CSMD1: variants seen among roughly 807,000 people sequenced by gnomAD.
CSMD1 encodes CUB and Sushi multiple domains 1.
Under a neutral mutation model 417.5 loss-of-function variants are expected in CSMD1, and 213 were observed. The ratio of observed to expected loss-of-function variants is 0.51; its 90% CI spans 0.46 to 0.57. The LOEUF is 0.57. Among genes scored for constraint, CSMD1 ranks in the 20% least tolerant of loss-of-function variants. The pLI, the probability that CSMD1 is intolerant of heterozygous loss-of-function variation, is 0.00. For missense variants in CSMD1, 6,923 were observed against 4,529.7 expected (o/e 1.53, Z -15.17); for synonymous variants, 2,862 against 1,736.8 (o/e 1.65, Z -16.11).
intron 5 of CSMD1, among the ~76,000 whole-genome samples, chr8:3,937,316 A>G (rs892773780): frequency 6.6e-6 from 1 of 152,202 alleles, no homozygotes; most frequent in Non-Finnish European, 1.5e-5. Flanking sequence ...AATGCTTCTT[A>G]ACCAGCAACA....
intron 3 of CSMD1, among the ~76,000 whole-genome samples, chr8:4,308,863 G>T (rs1437841751): frequency 6.6e-6 from 1 of 152,092 alleles, no homozygotes. Context: ...GGCATGTAAT[G>T]ATTATATTAT....
At chr8:4,382,483 A>T (rs1803165841) in intron 3 of CSMD1, among the ~76,000 whole-genome samples, 1 of 151,972 alleles carries the variant, frequency 6.6e-6, no homozygotes, top group Non-Finnish European at 1.5e-5. Context: ...TCTACATTCC[A>T]ACCACCTAAA....
chr8:4,066,938 T>C (rs534400984), intron 3 of CSMD1, among the ~76,000 whole-genome samples: 2 of 152,344 alleles, frequency 1.3e-5, no homozygotes, highest in African/African-American at 4.8e-5. Context: ...GCTATTTGTA[T>C]TGTGTAAATA....
At chr8:4,709,700 TG>T (rs1808171120) in intron 1 of CSMD1, among the ~76,000 whole-genome samples, 1 of 152,158 alleles carries the variant, frequency 6.6e-6, no homozygotes, top group South Asian at 2.1e-4. Flanking sequence ...TTCCACAGCC[TG>T]GGGCACCTGT....
At position 3,308,398 on chromosome 8, in the gene CSMD1, G is replaced by T. The variant is rs775093026; in HGVS notation, c.3737C>A (p.Pro1246Gln). 6.2e-7 allele frequency: 1 copy of T among 1,613,788 alleles called. No homozygotes were observed. The highest frequency in any genetic ancestry group is 1.7e-5 in the Admixed American group (1 of 60,006). The change falls in exon 24 of 70, where the codon CCG (proline) becomes CAG (glutamine). Residue 1246 changes from proline to glutamine, a missense_variant. By Grantham distance (76) the Pro-to-Gln change is moderately conservative. Coordinates refer to ENST00000635120, the MANE Select transcript of CSMD1 (RefSeq NM_033225.6). ...GTTGCTGCCATGCATGGCGTACCCCGGGTTGCAACTGTACAGAACTACAGT... is the reference window on the plus strand; with the variant it reads ...GTTGCTGCCATGCATGGCGTACCCCTGGTTGCAACTGTACAGAACTACAGT... ...TDTVVLYSCN[P>Q]GYAMHGSNTL...
At chr8:4,856,706 G>C (rs1392148694) in intron 1 of CSMD1, among the ~76,000 whole-genome samples, 1 of 149,132 alleles carries the variant, frequency 6.7e-6, no homozygotes, top group East Asian at 2.0e-4. Context: ...AATTCAACAA[G>C]AAGAGCTAAC....
intron 23 of CSMD1, among the ~76,000 whole-genome samples, chr8:3,336,410 C>A (rs1369633222): frequency 1.3e-5 from 2 of 152,104 alleles, no homozygotes; most frequent in Non-Finnish European, 2.9e-5. Context: ...TGAAGAAAAA[C>A]ATACTTAAAT....
intron 3 of CSMD1, among the ~76,000 whole-genome samples, chr8:4,056,688 C>G (rs1172266875): frequency 6.6e-6 from 1 of 151,930 alleles, no homozygotes; most frequent in Non-Finnish European, 1.5e-5. Flanking sequence ...CTCCCCACTC[C>G]CCCCACCCCA....
chr8:3,576,342 A>T (rs899210005), intron 9 of CSMD1, among the ~76,000 whole-genome samples: 1 of 146,816 alleles, frequency 6.8e-6, no homozygotes, highest in African/African-American at 2.5e-5. Flanking sequence ...TTTAATCTGT[A>T]ATCTACTGTG....
intron 5 of CSMD1, among the ~76,000 whole-genome samples, chr8:3,802,638 A>C (rs1175004747): frequency 6.6e-6 from 1 of 152,196 alleles, no homozygotes; most frequent in African/African-American, 2.4e-5. Flanking sequence ...TTAGTAATAA[A>C]GCAATCATGA....
At chr8:3,391,882 G>T (rs1811369972) in intron 17 of CSMD1, among the ~76,000 whole-genome samples, 1 of 152,178 alleles carries the variant, frequency 6.6e-6, no homozygotes, top group Non-Finnish European at 1.5e-5. Context: ...TGTGAAACAT[G>T]TATGATGAAA....
intron 2 of CSMD1, among the ~76,000 whole-genome samples, chr8:4,434,862 C>T (rs142989643): frequency 1.3e-5 from 2 of 152,156 alleles, no homozygotes; most frequent in Non-Finnish European, 2.9e-5. Flanking sequence ...ACCGCAAGAA[C>T]AAACTACATC....
At chr8:4,006,084 C>G (rs960476064) in intron 4 of CSMD1, among the ~76,000 whole-genome samples, 1 of 152,196 alleles carries the variant, frequency 6.6e-6, no homozygotes, top group Admixed American at 6.5e-5. Context: ...GCATTCCCAA[C>G]AGATGCAACA....
chr8:4,825,017 C>T (rs982231672), intron 1 of CSMD1, among the ~76,000 whole-genome samples: 8 of 152,058 alleles, frequency 5.3e-5, no homozygotes, highest in Non-Finnish European at 7.4e-5. Context: ...ATGTTTATGA[C>T]ACTTAGGTTT....
chr8:3,820,387 G>C (rs7817535), intron 5 of CSMD1, among the ~76,000 whole-genome samples: 3,451 of 152,210 alleles, frequency 0.023, 148 homozygotes, highest in African/African-American at 0.079. Context: ...TACCAAAGAA[G>C]GACTAAAAGT....
intron 4 of CSMD1, among the ~76,000 whole-genome samples, chr8:4,020,926 G>A (rs78855468): frequency 0.01 from 1,592 of 152,268 alleles, 23 homozygotes; most frequent in East Asian, 0.058. Flanking sequence ...AAACTTAAAG[G>A]GAAGAATTTC....
At chr8:3,370,710 C>G (rs1302622318) in intron 18 of CSMD1, among the ~76,000 whole-genome samples, 1 of 152,200 alleles carries the variant, frequency 6.6e-6, no homozygotes, top group Non-Finnish European at 1.5e-5. Flanking sequence ...CACGGTAGCT[C>G]ACACCTGTAA....
At chr8:4,869,169 A>T (rs7825700) in intron 1 of CSMD1, among the ~76,000 whole-genome samples, 2 of 151,930 alleles carry the variant, frequency 1.3e-5, no homozygotes, top group Admixed American at 1.3e-4. Flanking sequence ...CTAGTAATAA[A>T]TATGGCAATA....
Position 3,724,195 on chromosome 8 carries a change from CTTT to C in CSMD1, c.932-15707_932-15705del, listed in dbSNP as rs35874563. ...GAAAACAATGCTACCTCTTTTACTA[CTTT>C]TTTTTTTTTATTATTATACTTTAAG... On this transcript the variant is annotated intron_variant, in intron 6 of 69. Transcript: ENST00000635120. Among the ~76,000 whole-genome samples, 1,165 of 120,342 alleles carry C rather than the reference CTTT, an allele frequency of 9.7e-3. 19 individuals carry two copies. The highest frequency in any genetic ancestry group is 0.027 in the African/African-American group (1,014 of 36,878). The allele number at this position is 120,342 out of a possible 152,430, so 78.9% of individuals were successfully genotyped here. A position where few individuals can be genotyped will look rare whatever the true frequency, so the allele number is the denominator to read the frequency against.
Sources: allele counts gnomAD v4.1 joint callset (sites outside exome capture counted in the v4.1 genomes callset), GRCh38; gene constraint gnomAD v4.1.1; transcripts MANE v1.5; gene names NCBI Gene and HGNC (gene_info 2026-07-23, HGNC 2026-07-21).